Variants in PLEKHA7 observed in about 807,000 individuals in gnomAD.
PLEKHA7 encodes the protein pleckstrin homology domain-containing family A member 7.
PLEKHA7 carries 104 observed loss-of-function variants against 170.0 expected under a neutral mutation model. The ratio of observed to expected loss-of-function variants is 0.61; its 90% CI spans 0.52 to 0.72. PLEKHA7 has a LOEUF of 0.72. Among genes scored for constraint, PLEKHA7 ranks in the 30% least tolerant of loss-of-function variants. The pLI is 0.00. For missense variants in PLEKHA7, 1,615 were observed against 1,671.7 expected (o/e 0.97, Z 0.59); for synonymous variants, 648 against 660.8 (o/e 0.98, Z 0.30).
chr11:16,964,769 T>C (rs948119985), intron 3 of PLEKHA7, among the ~76,000 whole-genome samples: 31 of 152,300 alleles, frequency 2.0e-4, no homozygotes, highest in African/African-American at 7.0e-4. Context: ...GAGCATTCCT[T>C]AGATACTGGG....
intron 3 of PLEKHA7, among the ~76,000 whole-genome samples, chr11:17,011,748 A>G (rs376715325): frequency 6.6e-5 from 10 of 152,042 alleles, no homozygotes; most frequent in African/African-American, 2.4e-4. Flanking sequence ...AATAACATCT[A>G]TTATACCCAA....
intron 3 of PLEKHA7, among the ~76,000 whole-genome samples, chr11:16,970,703 G>C (rs1161533731): frequency 6.6e-6 from 1 of 151,996 alleles, no homozygotes; most frequent in Admixed American, 6.6e-5. Context: ...ACTAGATACT[G>C]TGCATGAAAT....
intron 4 of PLEKHA7, among the ~76,000 whole-genome samples, chr11:16,860,703 A>T (rs778903358): frequency 2.6e-5 from 4 of 152,228 alleles, no homozygotes; most frequent in Non-Finnish European, 5.9e-5. Flanking sequence ...GCTTTGCCAC[A>T]GAAAGACCCT....
chr11:16,926,459 A>G (rs1052109028), intron 3 of PLEKHA7, among the ~76,000 whole-genome samples: 12 of 152,248 alleles, frequency 7.9e-5, no homozygotes, highest in African/African-American at 2.9e-4. Flanking sequence ...AGTATATGCC[A>G]GGAGCAACAG....
chr11:16,947,927 AAAAAAGAAAAAAAAGAAAAAAAGAAAAG>A (rs1163482159), intron 3 of PLEKHA7, among the ~76,000 whole-genome samples: 2 of 150,858 alleles, frequency 1.3e-5, no homozygotes, highest in Non-Finnish European at 3.0e-5. Flanking sequence ...AAAAAAAAAA[AAAAAAGAAAAAAAAGAAAAAAAGAAAAG>A]AAAACATGCA....
chr11:16,802,841 T>C (rs1317094762), intron 15 of PLEKHA7, 131 bp downstream of exon 15: 10 of 825,266 alleles, frequency 1.2e-5, no homozygotes, highest in Non-Finnish European at 2.0e-5. Flanking sequence ...CCACCGCACC[T>C]GGTGCATTTT....
chr11:16,889,659 G>A (rs779540492), intron 3 of PLEKHA7, among the ~76,000 whole-genome samples: 31 of 152,064 alleles, frequency 2.0e-4, no homozygotes, highest in Middle Eastern at 3.4e-3. Flanking sequence ...TTGGCTTTAT[G>A]TGAAACGTCC....
intron 13 of PLEKHA7, among the ~76,000 whole-genome samples, chr11:16,804,654 C>T (rs117360265): frequency 0.029 from 4,409 of 152,230 alleles, 101 homozygotes; most frequent in Non-Finnish European, 0.047. Flanking sequence ...GTAAAGTCAG[C>T]CCTGAACAGA....
In PLEKHA7 at chr11:16,964,699, C is replaced by T. The variant is rs760119646; in HGVS notation, c.221+49290G>A. On this transcript the variant is annotated intron_variant, in intron 3 of 26. Coordinates refer to ENST00000531066, the MANE Select transcript of PLEKHA7 (RefSeq NM_001329630.2). ...TTCCTGCTTCTGAAAATCAGAGCAC[C>T]TGAAATTGGAGGTCCAGCCAGCTGT... Among the ~76,000 whole-genome samples the T allele has an allele frequency of 3.5e-4, 53 of 152,284 alleles. 1 individual carries two copies. Among genetic ancestry groups the T allele is most frequent in the Middle Eastern group, 3.4e-3 (1 of 294 alleles).
At chr11:16,896,122 G>A (rs537630480) in intron 3 of PLEKHA7, among the ~76,000 whole-genome samples, 7 of 152,112 alleles carry the variant, frequency 4.6e-5, no homozygotes, top group Admixed American at 2.0e-4. Flanking sequence ...TCTGAGTTCC[G>A]TCCACTCTCT....
intron 3 of PLEKHA7, among the ~76,000 whole-genome samples, chr11:16,971,978 C>T (rs1280523378): frequency 6.6e-6 from 1 of 151,728 alleles, no homozygotes; most frequent in African/African-American, 2.4e-5. Context: ...CATGTGCCAC[C>T]ACATCTGGCT....
intron 3 of PLEKHA7, among the ~76,000 whole-genome samples, chr11:16,937,544 A>C (rs977658205): frequency 6.6e-6 from 1 of 152,184 alleles, no homozygotes; most frequent in Non-Finnish European, 1.5e-5. Context: ...GACCTTGTTT[A>C]TAAGAAATTT....
At chr11:16,808,521 G>C (rs887636474) in intron 13 of PLEKHA7, among the ~76,000 whole-genome samples, 1 of 152,182 alleles carries the variant, frequency 6.6e-6, no homozygotes, top group African/African-American at 2.4e-5. Flanking sequence ...CCCAGAAGCT[G>C]ATTTTGGAAA....
At chr11:16,809,507 G>C (rs1849217239) in intron 13 of PLEKHA7, among the ~76,000 whole-genome samples, 1 of 152,162 alleles carries the variant, frequency 6.6e-6, no homozygotes, top group East Asian at 1.9e-4. Context: ...TAAGCAGCTG[G>C]TCCCAGAGGG....
At chr11:16,991,481 G>C (rs10832711) in intron 3 of PLEKHA7, among the ~76,000 whole-genome samples, 4,354 of 152,054 alleles carry the variant, frequency 0.029, 84 homozygotes, top group Non-Finnish European at 0.048. Flanking sequence ...TGGAGAAGAA[G>C]AGTCAAGAAA....
intron 3 of PLEKHA7, among the ~76,000 whole-genome samples, chr11:16,913,142 C>T (rs1018197294): frequency 6.6e-6 from 1 of 152,192 alleles, no homozygotes; most frequent in Non-Finnish European, 1.5e-5. Context: ...AGAATGTTCT[C>T]AAACGCCCCT....
intron 10 of PLEKHA7, among the ~76,000 whole-genome samples, chr11:16,823,511 A>C (rs1850403872): frequency 6.6e-6 from 1 of 152,196 alleles, no homozygotes. Context: ...ATTCCTCTAC[A>C]GACTGTACCC....
chr11:16,803,425 G>A, intron 13 of PLEKHA7, 130 bp from the exon 14 acceptor site: 1 of 920,572 alleles, frequency 1.1e-6, no homozygotes, highest in Non-Finnish European at 1.7e-6. Context: ...AGTATGAGAG[G>A]GACAAAAACT....
chr11:16,867,011 G>A (rs900891227), intron 4 of PLEKHA7, among the ~76,000 whole-genome samples: 2 of 151,770 alleles, frequency 1.3e-5, no homozygotes, highest in Non-Finnish European at 2.9e-5. Context: ...TCCCATAGAA[G>A]AAGAAACTCA....
Sources: allele counts gnomAD v4.1 joint callset (sites outside exome capture counted in the v4.1 genomes callset), GRCh38; gene constraint gnomAD v4.1.1; transcripts MANE v1.5; gene names NCBI Gene and HGNC (gene_info 2026-07-23, HGNC 2026-07-21).